Variants in DYNC1I1 observed in about 807,000 individuals in gnomAD.
DYNC1I1 encodes the protein cytoplasmic dynein 1 intermediate chain 1.
A neutral mutation model predicts 86.6 loss-of-function variants in DYNC1I1; 43 were observed. That is an observed-to-expected ratio of 0.50 (90% CI 0.39 to 0.64). The LOEUF (loss-of-function observed/expected upper bound fraction) is 0.64. Ranked by LOEUF, DYNC1I1 falls within the 30% of genes least tolerant of loss-of-function variation. The pLI is 0.00. For synonymous variants in DYNC1I1, 262 were observed against 283.7 expected (o/e 0.92, Z 0.77); for missense variants, 604 against 788.8 (o/e 0.77, Z 2.81).
intron 14 of DYNC1I1, among the ~76,000 whole-genome samples, chr7:96,070,246 G>A (rs1048684498): frequency 6.6e-6 from 1 of 152,028 alleles, no homozygotes; most frequent in Non-Finnish European, 1.5e-5. Flanking sequence ...TTGGTTTTTT[G>A]GTTTGGTTTG....
At chr7:96,053,568 A>G (rs1374300491) in intron 14 of DYNC1I1, among the ~76,000 whole-genome samples, 2 of 152,194 alleles carry the variant, frequency 1.3e-5, no homozygotes, top group Non-Finnish European at 2.9e-5. Flanking sequence ...CCTGCTCTCC[A>G]AAGTCCTGAC....
intron 16 of DYNC1I1, among the ~76,000 whole-genome samples, chr7:96,105,644 A>G (rs1791204367): frequency 6.6e-6 from 1 of 152,170 alleles, no homozygotes; most frequent in African/African-American, 2.4e-5. Context: ...AGGTTTTAGT[A>G]ACATGATTAT....
intron 5 of DYNC1I1, among the ~76,000 whole-genome samples, chr7:95,836,969 G>A (rs904110169): frequency 5.9e-5 from 9 of 152,222 alleles, no homozygotes; most frequent in African/African-American, 1.9e-4. Context: ...CTCTCAGCTC[G>A]TCAAGGTCGT....
rs1271473254 is a variant in DYNC1I1, at chr7:96,039,437, C to G, written c.1509+16C>G. 2 of 1,613,514 alleles carry G rather than the reference C, an allele frequency of 1.2e-6. No homozygotes were observed. The highest frequency in any genetic ancestry group is 1.7e-5 in the Admixed American group (1 of 59,990). ...GACCACCAAGGTAAGAATATCTTGA[C>G]TGAAATTCTCAGATAATACATAAGG... is the stretch of plus-strand genomic sequence containing the variant. On this transcript the variant is annotated intron_variant, in intron 14 of 16. Transcript: ENST00000447467.
At chr7:96,090,531 A>AC (rs1790810257) in intron 16 of DYNC1I1, among the ~76,000 whole-genome samples, 1 of 151,824 alleles carries the variant, frequency 6.6e-6, no homozygotes, top group Admixed American at 6.6e-5. Context: ...TAAAAAAAAA[A>AC]CGTGGTAAAA....
At chr7:95,938,639 G>C (rs1259300147) in intron 6 of DYNC1I1, among the ~76,000 whole-genome samples, 1 of 152,098 alleles carries the variant, frequency 6.6e-6, no homozygotes, top group Non-Finnish European at 1.5e-5. Context: ...CTGTAATATG[G>C]ATCATGAGGT....
chr7:95,806,026 C>T (rs577278510), intron 2 of DYNC1I1, among the ~76,000 whole-genome samples: 24 of 152,270 alleles, frequency 1.6e-4, no homozygotes, highest in Middle Eastern at 3.4e-3. Flanking sequence ...ATTTATTTGT[C>T]CTTGACATCA....
At chr7:96,032,889 C>T in intron 12 of DYNC1I1, 109 bp downstream of exon 12, 1 of 827,354 alleles carries the variant, frequency 1.2e-6, no homozygotes, top group East Asian at 2.7e-5. Flanking sequence ...GGAGCTAAAA[C>T]AAATGGATGC....
rs1389886828 is a variant in DYNC1I1 at position 95,849,883 on chromosome 7, T to G, written c.375-20000T>G. Among the ~76,000 whole-genome samples, 6 of 152,214 alleles carry G rather than the reference T, an allele frequency of 3.9e-5. No homozygotes were observed. The East Asian group carries it at 1.2e-3, about 29-fold the overall frequency. On this transcript the variant is annotated intron_variant, in intron 5 of 16. Coordinates refer to ENST00000447467, the MANE Select transcript of DYNC1I1 (RefSeq NM_001135556.2). ...TATCTATCAATTTATTTGTGTCTTC[T>G]TCAATTTCTCTCATCAGTATTTTAT...
intron 6 of DYNC1I1, among the ~76,000 whole-genome samples, chr7:95,900,293 C>T (rs1169966216): frequency 7.2e-5 from 11 of 152,126 alleles, no homozygotes; most frequent in African/African-American, 2.7e-4. Flanking sequence ...TTGCCACAAA[C>T]CATTGCAAAA....
intron 5 of DYNC1I1, among the ~76,000 whole-genome samples, chr7:95,851,989 T>C (rs1196783610): frequency 6.6e-6 from 1 of 152,166 alleles, no homozygotes; most frequent in East Asian, 1.9e-4. Flanking sequence ...ATAACATTCT[T>C]ATCTGGCTTT....
At chr7:96,024,462 GAATAA>G (rs1052113187) in intron 10 of DYNC1I1, among the ~76,000 whole-genome samples, 17 of 151,830 alleles carry the variant, frequency 1.1e-4, no homozygotes, top group African/African-American at 4.1e-4. Flanking sequence ...ACATTTTAAG[GAATAA>G]AATAAAATAG....
chr7:95,953,598 A>C (rs569980860), intron 6 of DYNC1I1, among the ~76,000 whole-genome samples: 49 of 152,346 alleles, frequency 3.2e-4, no homozygotes, highest in Middle Eastern at 3.4e-3. Flanking sequence ...ATCTAGAATA[A>C]TCTTCATTGT....
At position 95,991,428 on chromosome 7, in the gene DYNC1I1, G is replaced by A. The variant is rs1436464791; in HGVS notation, c.843+4273G>A. Among the ~76,000 whole-genome samples, 4 of 152,114 alleles carry A rather than the reference G, an allele frequency of 2.6e-5. No homozygotes were observed. The East Asian group carries it at 7.7e-4, about 29-fold the overall frequency. ...CTGGGGAGCCATTATAGTAGTTAGG[G>A]AATTCATGAAAAAGATGAAGAACTA... is the stretch of plus-strand genomic sequence containing the variant. On this transcript the variant is annotated intron_variant, in intron 9 of 16. Coordinates refer to ENST00000447467, the MANE Select transcript of DYNC1I1 (RefSeq NM_001135556.2).
intron 6 of DYNC1I1, among the ~76,000 whole-genome samples, chr7:95,922,702 T>G (rs1190824602): frequency 6.6e-6 from 1 of 152,160 alleles, no homozygotes; most frequent in East Asian, 1.9e-4. Flanking sequence ...TCATTGACTT[T>G]TAGGTTTAGG....
In DYNC1I1 at chr7:96,028,338, C is replaced by T. The variant is rs376877688; in HGVS notation, c.1116+17C>T. ...GCACACACGGTAATGCAAACTTTTG[C>T]CATATCCCTGTGAGCCGCCAGGCCC... On this transcript the variant is annotated intron_variant, in intron 11 of 16. Transcript: ENST00000447467. The T allele has an allele frequency of 2.5e-6, 4 of 1,581,402 alleles. No homozygotes were observed. In the African/African-American group the frequency reaches 5.4e-5, roughly 21 times the overall value.
intron 1 of DYNC1I1, among the ~76,000 whole-genome samples, chr7:95,782,581 G>A (rs568977034): frequency 1.3e-5 from 2 of 152,282 alleles, no homozygotes; most frequent in African/African-American, 4.8e-5. Context: ...TAGCATCGAG[G>A]GATGCATTGT....
At chr7:96,104,956 T>TG (rs1481805474) in intron 16 of DYNC1I1, among the ~76,000 whole-genome samples, 1 of 152,262 alleles carries the variant, frequency 6.6e-6, no homozygotes, top group East Asian at 1.9e-4. Context: ...TCTGTATATT[T>TG]GGGGCAATGC....
intron 4 of DYNC1I1, among the ~76,000 whole-genome samples, chr7:95,827,478 TAGAC>T (rs751733314): frequency 3.9e-5 from 6 of 152,192 alleles, no homozygotes; most frequent in East Asian, 1.9e-4. Flanking sequence ...CCTGACATCT[TAGAC>T]AGAAATGATA....
Sources: allele counts gnomAD v4.1 joint callset (sites outside exome capture counted in the v4.1 genomes callset), GRCh38; gene constraint gnomAD v4.1.1; transcripts MANE v1.5; gene names NCBI Gene and HGNC (gene_info 2026-07-23, HGNC 2026-07-21).